CACNA1B: variants seen among roughly 807,000 people sequenced by gnomAD.
CACNA1B encodes the protein voltage-dependent N-type calcium channel subunit alpha-1B.
In CACNA1B, 70 loss-of-function variants were observed where a neutral mutation model predicts 247.2. The observed-to-expected ratio is 0.28, with a 90% CI of 0.23 to 0.35. The LOEUF is 0.35. Ranked by LOEUF, CACNA1B falls within the 10% of genes least tolerant of loss-of-function variation. The pLI is 1.00. For missense variants in CACNA1B, 2,367 were observed against 3,197.4 expected, an observed-to-expected ratio of 0.74 and a Z score of 6.26; for synonymous variants, 1,231 against 1,294.4, an observed-to-expected ratio of 0.95 and a Z score of 1.05.
At chr9:137,972,769 A>T (rs1353313701) in intron 11 of CACNA1B, among the ~76,000 whole-genome samples, 1 of 152,064 alleles carries the variant, frequency 6.6e-6, no homozygotes, top group East Asian at 1.9e-4. Context: ...GAAATCTACG[A>T]CTTCCGAACG....
intron 11 of CACNA1B, among the ~76,000 whole-genome samples, chr9:137,972,712 C>T (rs1228982562): frequency 2.0e-5 from 3 of 152,172 alleles, no homozygotes; most frequent in Non-Finnish European, 4.4e-5. Flanking sequence ...GGGAGAGTGG[C>T]TGTGTTGGGG....
At chr9:138,105,854 C>T (rs1485884327) in intron 39 of CACNA1B, 47 bp downstream of exon 39, 11 of 1,012,926 alleles carry the variant, frequency 1.1e-5, no homozygotes, top group Admixed American at 4.0e-5. Flanking sequence ...CAGGGATGTG[C>T]ACCTCCGCCC....
intron 37 of CACNA1B, chr9:138,101,005 G>A (rs1341180754): frequency 4.5e-6 from 2 of 449,246 alleles, no homozygotes; most frequent in African/African-American, 2.0e-5. Flanking sequence ...CCGCCGCCAC[G>A]CCTGCGCGAG....
chr9:138,094,026 T>C (rs1253780739), intron 36 of CACNA1B, among the ~76,000 whole-genome samples: 1 of 152,204 alleles, frequency 6.6e-6, no homozygotes, highest in East Asian at 1.9e-4. Flanking sequence ...AACACCAGTT[T>C]CCATCAACAG....
Position 138,023,826 on chromosome 9 carries a change from G to T in CACNA1B, c.3068+15G>T. The T allele has an allele frequency of 1.6e-6, 2 of 1,268,078 alleles. No homozygotes were observed. Among genetic ancestry groups the T allele is most frequent in the Non-Finnish European group, 1.1e-6 (1 of 890,970 alleles). 78.6% of individuals were successfully genotyped at this position (1,268,078 alleles called of 1,614,324 possible). On this transcript the variant is annotated intron_variant, in intron 19 of 46. Coordinates refer to ENST00000371372, the MANE Select transcript of CACNA1B (RefSeq NM_000718.4). ...CACCAGCCCCGGTGAGTCCGCGGCT[G>T]GGCGGGGTCAGGGAGGGAAGGGTTG...
intron 2 of CACNA1B, among the ~76,000 whole-genome samples, chr9:137,879,937 G>A (rs1268917885): frequency 2.6e-5 from 4 of 152,150 alleles, no homozygotes; most frequent in East Asian, 1.9e-4. Context: ...TCTGGGTTCC[G>A]AGTGTGCCTA....
intron 36 of CACNA1B, among the ~76,000 whole-genome samples, chr9:138,092,415 T>C (rs1231583111): frequency 1.3e-5 from 2 of 152,212 alleles, no homozygotes; most frequent in Non-Finnish European, 1.5e-5. Context: ...CCTATTCGCT[T>C]TCTGCAAGAA....
At chr9:138,117,554 C>T (rs550351029) in intron 42 of CACNA1B, among the ~76,000 whole-genome samples, 2 of 152,330 alleles carry the variant, frequency 1.3e-5, no homozygotes, top group South Asian at 2.1e-4. Context: ...CCAGGATAGT[C>T]CTGTGTGGCA....
chr9:138,004,549 C>CAA (rs762250306), intron 15 of CACNA1B, among the ~76,000 whole-genome samples: 98 of 62,390 alleles, frequency 1.6e-3, no homozygotes, highest in East Asian at 5.5e-3. Flanking sequence ...GACCCTGTCT[C>CAA]AAAAAAAAAA....
chr9:138,068,148 CCAGGGA>C (rs2133526004), intron 31 of CACNA1B, among the ~76,000 whole-genome samples: 1 of 152,156 alleles, frequency 6.6e-6, no homozygotes, highest in East Asian at 1.9e-4. Context: ...ACAACAAAGG[CCAGGGA>C]CAGGCAAACA....
In CACNA1B at chr9:137,950,907, A is replaced by G. The variant is rs766700288; in HGVS notation, c.967-1367A>G. Among the ~76,000 whole-genome samples, 1 of 152,210 alleles carries G rather than the reference A, an allele frequency of 6.6e-6. No homozygotes were observed. Among genetic ancestry groups the G allele is most frequent in the East Asian group, 1.9e-4 (1 of 5,202 alleles). The stretch of plus-strand genomic sequence containing the variant: ...CAATATGGCAGAGTATGTCTGCTCC[A>G]TCTTCCCAGAAGTGGAAGTCCTGTT... On this transcript the variant is annotated intron_variant, in intron 6 of 46. Coordinates refer to ENST00000371372, the MANE Select transcript of CACNA1B (RefSeq NM_000718.4). The surrounding 1 kb of genome is among the most constrained non-coding windows in gnomAD (Gnocchi z 4.8).
chr9:138,120,489 G>A, intron 45 of CACNA1B, 117 bp downstream of exon 45: 2 of 1,383,264 alleles, frequency 1.4e-6, no homozygotes, highest in Non-Finnish European at 1.9e-6. Flanking sequence ...TAACCAGCCA[G>A]AGCAGGGTGG....
chr9:138,121,354 C>CCT lies in CACNA1B; in HGVS notation c.6490-113_6490-112dup. 1 of 780,804 alleles carries CCT rather than the reference C, an allele frequency of 1.3e-6. No homozygotes were observed. Among genetic ancestry groups the CCT allele is most frequent in the South Asian group, 2.0e-5 (1 of 48,972 alleles). 48.4% of individuals were successfully genotyped at this position (780,804 alleles called of 1,614,324 possible). The stretch of plus-strand genomic sequence containing the variant: ...CACCGCAGCCCGTTGTCCCCCATTG[C>CCT]CTCCCTCTCTCCTCCCATCCCCCCA... On this transcript the variant is annotated intron_variant, in intron 46 of 46. Coordinates refer to ENST00000371372, the MANE Select transcript of CACNA1B (RefSeq NM_000718.4). This position sits in a 1 kb window ranked among gnomAD's most constrained non-coding sequence, Gnocchi z 6.8.
rs1036235440 is a variant in CACNA1B at position 138,057,055 on chromosome 9, C to T, written c.3969-677C>T. 6.6e-6 allele frequency among the ~76,000 whole-genome samples: 1 copy of T among 151,382 alleles called. No individual in the cohort carries two copies. The highest frequency in any genetic ancestry group is 2.4e-5 in the African/African-American group (1 of 41,052). Reference sequence around the variant, plus strand: ...GGTTCACGCCATTCTCCTGCCTCAGCCTCCCGAGTAGCTGGGACTATAGGC... The same window carrying T: ...GGTTCACGCCATTCTCCTGCCTCAGTCTCCCGAGTAGCTGGGACTATAGGC... On this transcript the variant is annotated intron_variant, in intron 26 of 46. Coordinates refer to ENST00000371372, the MANE Select transcript of CACNA1B (RefSeq NM_000718.4). This position sits in a 1 kb window ranked among gnomAD's most constrained non-coding sequence, Gnocchi z 4.0.
Position 137,892,342 on chromosome 9 carries a change from C to T in CACNA1B, c.530+9459C>T, listed in dbSNP as rs572588287. On this transcript the variant is annotated intron_variant, in intron 3 of 46. Coordinates refer to ENST00000371372, the MANE Select transcript of CACNA1B (RefSeq NM_000718.4). ...CAGATGACTGCCTTCTTGTGGTGGG[C>T]GGTGCTGATCCGATGGACCCCAGAC... 1.2e-4 allele frequency: 57 copies of T among 456,742 alleles called. 1 individual carries two copies. The highest frequency in any genetic ancestry group is 8.1e-4 in the South Asian group (52 of 64,564). The allele number at this position is 456,742 out of a possible 1,614,324, so 28.3% of individuals were successfully genotyped here.
Position 138,117,988 on chromosome 9 carries a change from C to A in CACNA1B, c.5820C>A (p.Gly1940=). The change falls in exon 43 of 47, where the codon GGC becomes GGA. Residue 1940 remains glycine, a synonymous_variant. Transcript: ENST00000371372. ...GCATCAAAGAGTCTGTCTCCTGGGG[C>A]ACTCAAAGGACCCAGGATGCACCCC... is the stretch of plus-strand genomic sequence containing the variant. ...ESGIKESVSW[G]TQRTQDAPHE... The A allele has an allele frequency of 1.3e-6, 2 of 1,597,404 alleles. No individual in the cohort carries two copies. The highest frequency in any genetic ancestry group is 1.7e-6 in the Non-Finnish European group (2 of 1,170,820).
rs373248293 is a variant in CACNA1B at position 137,955,197 on chromosome 9, G to A, written c.1071-501G>A. On this transcript the variant is annotated intron_variant, in intron 7 of 46. Coordinates refer to ENST00000371372, the MANE Select transcript of CACNA1B (RefSeq NM_000718.4). The surrounding 1 kb of genome is among the most constrained non-coding windows in gnomAD (Gnocchi z 6.9). The stretch of plus-strand genomic sequence containing the variant: ...GCCCTGACCCAGTCCCTTCTTCCCT[G>A]TCCCTGTCTGTCCCTCCCACTTCCC... Among the ~76,000 whole-genome samples the A allele has an allele frequency of 4.4e-4, 67 of 152,248 alleles. No homozygotes were observed. The highest frequency in any genetic ancestry group is 1.4e-3 in the African/African-American group (59 of 41,532).
At chr9:137,922,214 A>G (rs1482120662) in intron 6 of CACNA1B, among the ~76,000 whole-genome samples, 1 of 147,874 alleles carries the variant, frequency 6.8e-6, no homozygotes, top group African/African-American at 2.6e-5. Context: ...GAACATGATC[A>G]GCACCACGAC....
At chr9:137,884,880 C>T (rs1420533049) in intron 3 of CACNA1B, among the ~76,000 whole-genome samples, 3 of 137,584 alleles carry the variant, frequency 2.2e-5, no homozygotes, top group Non-Finnish European at 1.6e-5. Flanking sequence ...CCCTCCCCTT[C>T]TTCCCCCTCC....
Sources: allele counts gnomAD v4.1 joint callset (sites outside exome capture counted in the v4.1 genomes callset), GRCh38; gene constraint gnomAD v4.1.1; non-coding constraint Gnocchi (gnomAD v3.1); transcripts MANE v1.5; gene names NCBI Gene and HGNC (gene_info 2026-07-23, HGNC 2026-07-21).